MIPOL1: variants seen among roughly 807,000 people sequenced by gnomAD.
MIPOL1 encodes mirror-image polydactyly 1.
Under a neutral mutation model 60.9 loss-of-function variants are expected in MIPOL1, and 57 were observed. The observed-to-expected ratio is 0.94, with a 90% CI of 0.76 to 1.17. The LOEUF is 1.17. Among genes scored for constraint, MIPOL1 ranks in the 50% most tolerant of loss-of-function variants. MIPOL1 has a pLI of 0.00. For missense variants in MIPOL1, 551 were observed against 511.6 expected (o/e 1.08, Z -0.74); for synonymous variants, 179 against 168.8 (o/e 1.06, Z -0.47).
intron 1 of MIPOL1, among the ~76,000 whole-genome samples, chr14:37,237,364 G>A (rs945655402): frequency 1.3e-5 from 2 of 152,132 alleles, no homozygotes; most frequent in Non-Finnish European, 2.9e-5. Context: ...GGTAGGGGAT[G>A]GGGGAAGAGC....
At chr14:37,292,810 G>T (rs2085224380) in intron 7 of MIPOL1, among the ~76,000 whole-genome samples, 1 of 152,044 alleles carries the variant, frequency 6.6e-6, no homozygotes, top group Admixed American at 6.6e-5. Context: ...AGGCCTGTTT[G>T]CCTTCTTTGA....
chr14:37,476,793 T>C (rs991545992), intron 11 of MIPOL1, among the ~76,000 whole-genome samples: 2 of 152,118 alleles, frequency 1.3e-5, no homozygotes, highest in African/African-American at 2.4e-5. Context: ...GGTCTTAGTG[T>C]GTAATTCCTT....
intron 9 of MIPOL1, among the ~76,000 whole-genome samples, chr14:37,346,674 A>T (rs2090968980): frequency 1.3e-5 from 2 of 152,162 alleles, no homozygotes; most frequent in Admixed American, 1.3e-4. Context: ...ATAGTGATAT[A>T]AGAGCAGATA....
At chr14:37,331,748 G>A (rs8181928) in intron 9 of MIPOL1, among the ~76,000 whole-genome samples, 151,234 of 152,268 alleles carry the variant, frequency 0.99, 75,112 homozygotes, top group Middle Eastern at 1. Context: ...TCCAGTTCGA[G>A]TATGCTTTAT....
intron 9 of MIPOL1, among the ~76,000 whole-genome samples, chr14:37,357,738 TTGCTGTGCAGAAGA>T (rs2091942926): frequency 6.6e-6 from 1 of 151,772 alleles, no homozygotes; most frequent in African/African-American, 2.4e-5. Context: ...ATTGTTTCCT[TTGCTGTGCAGAAGA>T]TTTTTAAGTT....
Position 37,211,752 on chromosome 14 carries a change from G to C in MIPOL1, c.-199+13648G>C, listed in dbSNP as rs538500351. 2.6e-5 allele frequency among the ~76,000 whole-genome samples: 4 copies of C among 152,122 alleles called. No individual in the cohort carries two copies. In the South Asian group the frequency reaches 8.3e-4, roughly 32 times the overall value. Reference sequence around the variant, plus strand: ...GAGACACCAGCTGGGGCAACCAATGGAGTGCTGGCATCACCCCTCACCTAA... The same window carrying C: ...GAGACACCAGCTGGGGCAACCAATGCAGTGCTGGCATCACCCCTCACCTAA... On this transcript the variant is annotated intron_variant, in intron 1 of 12. Transcript: ENST00000684589.
At chr14:37,231,325 CA>C (rs1479639355) in intron 1 of MIPOL1, among the ~76,000 whole-genome samples, 1 of 152,132 alleles carries the variant, frequency 6.6e-6, no homozygotes, top group Non-Finnish European at 1.5e-5. Context: ...TGGCCTCAAG[CA>C]GGACTCCTGC....
chr14:37,411,937 A>C (rs1322470495), intron 10 of MIPOL1, among the ~76,000 whole-genome samples: 2 of 152,146 alleles, frequency 1.3e-5, no homozygotes, highest in East Asian at 3.9e-4. Flanking sequence ...ATTCACTTTG[A>C]TATGGCTATA....
At chr14:37,465,418 T>C (rs2094586407) in intron 11 of MIPOL1, among the ~76,000 whole-genome samples, 1 of 152,144 alleles carries the variant, frequency 6.6e-6, no homozygotes, top group Non-Finnish European at 1.5e-5. Context: ...GGCAAAAACA[T>C]ATATAAATAT....
At chr14:37,374,531 G>A (rs1261516942) in intron 10 of MIPOL1, among the ~76,000 whole-genome samples, 2 of 152,148 alleles carry the variant, frequency 1.3e-5, no homozygotes, top group African/African-American at 4.8e-5. Flanking sequence ...TTATGTTTAA[G>A]TCTTTAATCC....
At chr14:37,522,349 T>C (rs1304607188) in intron 12 of MIPOL1, among the ~76,000 whole-genome samples, 1 of 152,184 alleles carries the variant, frequency 6.6e-6, no homozygotes, top group Non-Finnish European at 1.5e-5. Flanking sequence ...CCATATAACA[T>C]AAAATACTAA....
chr14:37,369,669 C>T, intron 10 of MIPOL1, 45 bp downstream of exon 10: 2 of 1,454,604 alleles, frequency 1.4e-6, no homozygotes, highest in Non-Finnish European at 1.9e-6. Context: ...GTTGTAAGCC[C>T]TTGGTGCCAG....
chr14:37,279,500 A>G (rs2083926118), intron 6 of MIPOL1, among the ~76,000 whole-genome samples: 2 of 151,994 alleles, frequency 1.3e-5, no homozygotes, highest in Admixed American at 1.3e-4. Context: ...TTGATCCTTC[A>G]AAAGTACTGA....
At chr14:37,438,554 C>T (rs2094197329) in intron 11 of MIPOL1, among the ~76,000 whole-genome samples, 1 of 152,182 alleles carries the variant, frequency 6.6e-6, no homozygotes, top group Non-Finnish European at 1.5e-5. Flanking sequence ...TCTACTCATG[C>T]CTCCCTCAGA....
intron 11 of MIPOL1, among the ~76,000 whole-genome samples, chr14:37,460,001 C>G (rs948612478): frequency 3.3e-5 from 5 of 152,030 alleles, no homozygotes. Flanking sequence ...ATTGCTTGAA[C>G]CTGGGAGGCA....
At chr14:37,462,715 G>A (rs1331763935) in intron 11 of MIPOL1, among the ~76,000 whole-genome samples, 2 of 152,110 alleles carry the variant, frequency 1.3e-5, no homozygotes, top group African/African-American at 2.4e-5. Flanking sequence ...CTCTAGGGCA[G>A]GGACAAAATG....
At chr14:37,392,888 C>T (rs897439258) in intron 10 of MIPOL1, among the ~76,000 whole-genome samples, 1 of 152,004 alleles carries the variant, frequency 6.6e-6, no homozygotes, top group Non-Finnish European at 1.5e-5. Flanking sequence ...GAATTGTGTG[C>T]CCCCAAAAGA....
intron 6 of MIPOL1, among the ~76,000 whole-genome samples, chr14:37,280,398 G>A (rs1418156727): frequency 1.3e-5 from 2 of 152,046 alleles, no homozygotes; most frequent in Non-Finnish European, 2.9e-5. Context: ...ACCTCATACC[G>A]TTTTCCAAAA....
rs576703075 is a variant in MIPOL1 at position 37,506,775 on chromosome 14, C to A, written c.1262+6637C>A. The stretch of plus-strand genomic sequence containing the variant: ...ATCTAATTAAACTAAAGAGCTTCTG[C>A]ACAGCAAAAGAAACTATCATCAGAG... On this transcript the variant is annotated intron_variant, in intron 12 of 12. Coordinates refer to ENST00000684589, the MANE Select transcript of MIPOL1 (RefSeq NM_001388067.1). 5 of 152,150 alleles carry A rather than the reference C, an allele frequency of 3.3e-5. No homozygotes were observed. In the East Asian group the frequency reaches 5.8e-4, roughly 18 times the overall value. The allele number at this position is 152,150 out of a possible 1,614,324, so 9.4% of individuals were successfully genotyped here.
Sources: gnomAD v4.1 joint callset for allele counts (sites outside exome capture counted in the v4.1 genomes callset) on GRCh38, gnomAD v4.1.1 for gene constraint, MANE v1.5 for transcripts, NCBI Gene and HGNC (gene_info 2026-07-23, HGNC 2026-07-21) for gene names.